Variants in TFDP2 observed in about 807,000 individuals in gnomAD.
TFDP2 encodes the protein transcription factor Dp-2, also known as transcription factor Dp-2 (E2F dimerization partner 2).
A neutral mutation model predicts 59.3 loss-of-function variants in TFDP2; 17 were observed. That is an observed-to-expected ratio of 0.29 (90% CI 0.20 to 0.43). The LOEUF (loss-of-function observed/expected upper bound fraction) is 0.43, where lower values mean the gene tolerates loss of function less well. Among genes scored for constraint, TFDP2 ranks in the 20% least tolerant of loss-of-function variants. TFDP2 has a pLI of 1.00. For synonymous variants in TFDP2, 180 were observed against 194.7 expected (o/e 0.92, Z 0.63); for missense variants, 391 against 528.8 (o/e 0.74, Z 2.56).
At chr3:141,993,657 A>T (rs772488570) in intron 5 of TFDP2, 72 bp from the exon 6 acceptor site, 3 of 894,764 alleles carry the variant, frequency 3.4e-6, no homozygotes, top group Non-Finnish European at 5.1e-6. Flanking sequence ...ATACTTTATT[A>T]TAACTTGTCT....
At chr3:142,022,349 G>C (rs139819240) in intron 3 of TFDP2, among the ~76,000 whole-genome samples, 4 of 152,336 alleles carry the variant, frequency 2.6e-5, no homozygotes, top group South Asian at 2.1e-4. Flanking sequence ...CGAAATGCAA[G>C]TGGACTCTAG....
intron 3 of TFDP2, among the ~76,000 whole-genome samples, chr3:142,012,174 G>A (rs1312208672): frequency 3.3e-5 from 5 of 151,642 alleles, no homozygotes; most frequent in Non-Finnish European, 7.4e-5. Context: ...CACCACACCC[G>A]GCTAATTTTT....
At chr3:141,978,404 C>A in intron 7 of TFDP2, 116 bp downstream of exon 7, 1 of 1,103,004 alleles carries the variant, frequency 9.1e-7, no homozygotes, top group Non-Finnish European at 1.2e-6. Flanking sequence ...AAAAATCCCC[C>A]AAAATAAAGG....
chr3:141,953,634 T>C (rs1036550091), intron 11 of TFDP2, among the ~76,000 whole-genome samples: 6 of 152,126 alleles, frequency 3.9e-5, no homozygotes, highest in African/African-American at 1.4e-4. Flanking sequence ...TATTTTATTT[T>C]TTTTATTATT....
intron 1 of TFDP2, among the ~76,000 whole-genome samples, chr3:142,141,183 G>A (rs1266958379): frequency 6.6e-6 from 1 of 152,248 alleles, no homozygotes; most frequent in African/African-American, 2.4e-5. Context: ...GCCAGGCACG[G>A]GAGAGAATCT....
intron 6 of TFDP2, among the ~76,000 whole-genome samples, chr3:141,983,393 T>C (rs531206023): frequency 1.6e-4 from 24 of 152,194 alleles, no homozygotes; most frequent in Non-Finnish European, 3.2e-4. Context: ...TCCCAGCACT[T>C]TGGGAGGCCA....
chr3:142,043,761 G>C (rs1180439259), intron 3 of TFDP2: 2 of 1,580,414 alleles, frequency 1.3e-6, no homozygotes, highest in Non-Finnish European at 1.7e-6. Context: ...GGAGCTTCTT[G>C]CGGGCCTTGT....
chr3:141,987,119 C>T (rs1942180763), intron 6 of TFDP2, among the ~76,000 whole-genome samples: 1 of 152,134 alleles, frequency 6.6e-6, no homozygotes, highest in Admixed American at 6.6e-5. Flanking sequence ...TTAAGGCTTT[C>T]CATTTTGTTT....
intron 8 of TFDP2, among the ~76,000 whole-genome samples, chr3:141,972,076 C>G (rs573147992): frequency 6.6e-6 from 1 of 152,352 alleles, no homozygotes; most frequent in African/African-American, 2.4e-5. Context: ...CTAGTCTATA[C>G]TAGCAGTTTC....
At chr3:141,967,409 T>C (rs755956976) in intron 9 of TFDP2, among the ~76,000 whole-genome samples, 21 of 151,020 alleles carry the variant, frequency 1.4e-4, no homozygotes, top group Non-Finnish European at 2.7e-4. Flanking sequence ...TATCCTGCCT[T>C]AGCCTCCCAA....
chr3:141,955,039 T>C (rs1936421422), intron 11 of TFDP2, among the ~76,000 whole-genome samples: 2 of 138,874 alleles, frequency 1.4e-5, no homozygotes, highest in African/African-American at 5.1e-5. Context: ...TAACGACAAG[T>C]CTGTACAAGA....
At chr3:142,038,383 CAAAAAAAAAA>C (rs1184364752) in intron 3 of TFDP2, among the ~76,000 whole-genome samples, 7 of 41,440 alleles carry the variant, frequency 1.7e-4, no homozygotes, top group Non-Finnish European at 2.2e-4. Context: ...GACTCCATCT[CAAAAAAAAAA>C]AAAAAAAAAA....
At chr3:141,973,123 A>ATATTT in intron 8 of TFDP2, among the ~76,000 whole-genome samples, 8 of 58,024 alleles carry the variant, frequency 1.4e-4, no homozygotes, top group African/African-American at 5.2e-4. Context: ...ATATATATAT[A>ATATTT]TTTTTTTTTT....
At chr3:142,070,404 A>T (rs2060207761) in intron 3 of TFDP2, among the ~76,000 whole-genome samples, 1 of 152,070 alleles carries the variant, frequency 6.6e-6, no homozygotes. Flanking sequence ...CAGCCTCCCA[A>T]ACAGCTGGGA....
At chr3:142,084,930 A>T (rs1432053196) in intron 3 of TFDP2, among the ~76,000 whole-genome samples, 3 of 151,384 alleles carry the variant, frequency 2.0e-5, no homozygotes, top group Admixed American at 6.6e-5. Context: ...TTTTATTTTT[A>T]TTTTTTTTGA....
At chr3:142,126,538 A>C (rs2062261467) in intron 1 of TFDP2, among the ~76,000 whole-genome samples, 1 of 151,216 alleles carries the variant, frequency 6.6e-6, no homozygotes, top group African/African-American at 2.4e-5. Flanking sequence ...CACAGAAAAA[A>C]CTCCTGAGTT....
intron 3 of TFDP2, among the ~76,000 whole-genome samples, chr3:142,039,647 C>T (rs1946861152): frequency 6.6e-6 from 1 of 152,138 alleles, no homozygotes; most frequent in Non-Finnish European, 1.5e-5. Context: ...AAGTACCACC[C>T]CTGGGGTTCA....
chr3:141,997,814 C>T (rs1299131861), intron 4 of TFDP2, among the ~76,000 whole-genome samples: 1 of 130,230 alleles, frequency 7.7e-6, no homozygotes, highest in Non-Finnish European at 1.5e-5. Flanking sequence ...CATGCCACTG[C>T]ACTCCAGCCT....
At chr3:141,996,034 T>C (rs943635720) in intron 4 of TFDP2, among the ~76,000 whole-genome samples, 27 of 152,136 alleles carry the variant, frequency 1.8e-4, no homozygotes, top group African/African-American at 6.3e-4. Context: ...TAAAGAATGC[T>C]GTGATAAACA....
Sources: allele counts gnomAD v4.1 joint callset (sites outside exome capture counted in the v4.1 genomes callset), GRCh38; gene constraint gnomAD v4.1.1; transcripts MANE v1.5; gene names NCBI Gene and HGNC (gene_info 2026-07-23, HGNC 2026-07-21).